DOCK4: variants seen among roughly 807,000 people sequenced by gnomAD.
DOCK4 encodes dedicator of cytokinesis 4, also known as dedicator of cytokinesis protein 4.
A neutral mutation model predicts 268.1 loss-of-function variants in DOCK4; 97 were observed. The ratio of observed to expected loss-of-function variants is 0.36; its 90% CI spans 0.31 to 0.43. DOCK4 has a LOEUF of 0.43. Ranked by LOEUF, DOCK4 falls within the 20% of genes least tolerant of loss-of-function variation. The pLI is 1.00. For synonymous variants in DOCK4, 954 were observed against 887.2 expected, an observed-to-expected ratio of 1.08 and a Z score of -1.34; for missense variants, 2,145 against 2,455.7, an observed-to-expected ratio of 0.87 and a Z score of 2.67.
At chr7:111,861,761 TAA>T (rs1805553097) in intron 23 of DOCK4, among the ~76,000 whole-genome samples, 1 of 56,876 alleles carries the variant, frequency 1.8e-5, no homozygotes, top group African/African-American at 1.0e-4. Context: ...AAAAAAAAAA[TAA>T]TAATAATAAT....
chr7:111,835,190 T>C (rs1001145853), intron 25 of DOCK4, among the ~76,000 whole-genome samples: 1 of 152,196 alleles, frequency 6.6e-6, no homozygotes, highest in Non-Finnish European at 1.5e-5. Flanking sequence ...CCAGTCTTTC[T>C]GCCTCCAAAG....
intron 30 of DOCK4, among the ~76,000 whole-genome samples, chr7:111,796,747 G>C (rs758885821): frequency 2.0e-5 from 3 of 152,186 alleles, no homozygotes; most frequent in Non-Finnish European, 2.9e-5. Context: ...GGCAACACAG[G>C]CTCTCCAAGA....
chr7:111,883,846 C>T (rs1158842578), intron 16 of DOCK4, among the ~76,000 whole-genome samples: 2 of 152,184 alleles, frequency 1.3e-5, no homozygotes, highest in Non-Finnish European at 2.9e-5. Context: ...CAGCTAAACT[C>T]TATCACCCTT....
At chr7:111,855,065 G>C (rs1176722155) in intron 23 of DOCK4, among the ~76,000 whole-genome samples, 1 of 152,184 alleles carries the variant, frequency 6.6e-6, no homozygotes, top group African/African-American at 2.4e-5. Context: ...GAAGAAAGTG[G>C]ATTCCAAACA....
intron 1 of DOCK4, among the ~76,000 whole-genome samples, chr7:112,033,713 G>A (rs1803483613): frequency 6.6e-6 from 1 of 152,148 alleles, no homozygotes; most frequent in African/African-American, 2.4e-5. Context: ...GCCAGCACTA[G>A]TTTTCCAACA....
intron 23 of DOCK4, among the ~76,000 whole-genome samples, chr7:111,861,468 C>T (rs56203279): frequency 0.35 from 52,452 of 151,662 alleles, 9,363 homozygotes; most frequent in African/African-American, 0.43. Context: ...AATATTAGGC[C>T]GGGTGTGGTG....
At chr7:111,935,710 G>A (rs918451810) in intron 11 of DOCK4, 82 bp from the exon 12 acceptor site, 12 of 1,220,626 alleles carry the variant, frequency 9.8e-6, no homozygotes, top group African/African-American at 1.5e-5. Context: ...TGCCCTTTTC[G>A]TTATAACCAC....
At chr7:112,148,984 A>G (rs1428999314) in intron 1 of DOCK4, among the ~76,000 whole-genome samples, 5 of 152,220 alleles carry the variant, frequency 3.3e-5, no homozygotes. Context: ...GTCTCTGGCC[A>G]CTGAGCACGC....
chr7:112,140,268 G>A (rs545916890), intron 1 of DOCK4, among the ~76,000 whole-genome samples: 4 of 152,290 alleles, frequency 2.6e-5, no homozygotes, highest in African/African-American at 4.8e-5. Flanking sequence ...ACTCTGAAAC[G>A]TGGAGATGTC....
chr7:111,907,811 C>G (rs1363250469), intron 13 of DOCK4, among the ~76,000 whole-genome samples: 1 of 152,142 alleles, frequency 6.6e-6, no homozygotes, highest in Non-Finnish European at 1.5e-5. Context: ...TCACTGCAGC[C>G]TCAACCTGCT....
At position 112,043,252 on chromosome 7, in the gene DOCK4, TAATC is replaced by T. The variant is rs898454144; in HGVS notation, c.38-39125_38-39122del. Among the ~76,000 whole-genome samples the T allele has an allele frequency of 9.9e-5, 15 of 152,000 alleles. No individual in the cohort carries two copies. The East Asian group carries it at 1.5e-3, about 16-fold the overall frequency. The stretch of plus-strand genomic sequence containing the variant: ...ATCTCCTTTATAAAAAAAAAAAACT[TAATC>T]AATAATCTCATTATTCTCTCTAGAA... On this transcript the variant is annotated intron_variant, in intron 1 of 52. Coordinates refer to ENST00000428084, the MANE Select transcript of DOCK4 (RefSeq NM_001363540.2).
chr7:112,071,102 G>T (rs1236689878), intron 1 of DOCK4, among the ~76,000 whole-genome samples: 1 of 152,186 alleles, frequency 6.6e-6, no homozygotes, highest in Non-Finnish European at 1.5e-5. Flanking sequence ...GTGCCTTTGG[G>T]TTACCTGATA....
At chr7:111,822,307 C>T in intron 27 of DOCK4, 55 bp downstream of exon 27, 1 of 1,398,534 alleles carries the variant, frequency 7.2e-7, no homozygotes. Flanking sequence ...TAATTTTGTA[C>T]TCCCTTCTTC....
At chr7:111,872,588 T>C in intron 17 of DOCK4, 24 bp from the exon 18 acceptor site, 1 of 1,543,544 alleles carries the variant, frequency 6.5e-7, no homozygotes. Context: ...AAAGGAAGAT[T>C]AATTGCCTTA....
intron 1 of DOCK4, among the ~76,000 whole-genome samples, chr7:112,024,674 C>T (rs751225713): frequency 1.3e-5 from 2 of 152,138 alleles, no homozygotes; most frequent in African/African-American, 2.4e-5. Context: ...GCTTCAGAAA[C>T]CTTGACCTCA....
Position 112,205,348 on chromosome 7 carries a change from G to T in DOCK4, c.37+754C>A, listed in dbSNP as rs925019416. The stretch of plus-strand genomic sequence containing the variant: ...ATTTATCACTCAGCAGCCCTGTACC[G>T]CCACACCGCCCCCACTGCGCTCACC... On this transcript the variant is annotated intron_variant, in intron 1 of 52. Coordinates refer to ENST00000428084, the MANE Select transcript of DOCK4 (RefSeq NM_001363540.2). Among the ~76,000 whole-genome samples the T allele has an allele frequency of 6.6e-5, 10 of 151,926 alleles. No individual in the cohort carries two copies. The East Asian group carries it at 1.9e-3, about 30-fold the overall frequency.
chr7:111,760,319 T>C lies in DOCK4; in HGVS notation c.4024A>G (p.Lys1342Glu). 2 of 1,612,142 alleles carry C rather than the reference T, an allele frequency of 1.2e-6. No individual in the cohort carries two copies. The highest frequency in any genetic ancestry group is 1.7e-6 in the Non-Finnish European group (2 of 1,178,596). The change falls in exon 40 of 53, where the codon AAG (lysine) becomes GAG (glutamate). Residue 1342 changes from lysine to glutamate, a missense_variant. Around this residue, in one of 2 missense-constraint regions of DOCK4, gnomAD observed 1,598 missense variants for 1,986.7 expected, o/e 0.80. Coordinates refer to ENST00000428084, the MANE Select transcript of DOCK4 (RefSeq NM_001363540.2). ...TCATGCCCTCGACACACAAACTCCT[T>C]ATTCTGGAGATGAAAGCAAAAAAGA... ...GKKFPFFLRN[K>E]EFVCRGHDYE...
At chr7:112,035,716 T>G (rs1803692896) in intron 1 of DOCK4, among the ~76,000 whole-genome samples, 1 of 152,112 alleles carries the variant, frequency 6.6e-6, no homozygotes, top group Non-Finnish European at 1.5e-5. Flanking sequence ...TAAAGATGAT[T>G]GTTGTTCTGC....
At chr7:111,989,880 C>CA (rs1362894492) in intron 5 of DOCK4, among the ~76,000 whole-genome samples, 1 of 152,170 alleles carries the variant, frequency 6.6e-6, no homozygotes, top group African/African-American at 2.4e-5. Flanking sequence ...GTCATCTGTA[C>CA]ATGGGCAGCA....
Sources: gnomAD v4.1 joint callset for allele counts (sites outside exome capture counted in the v4.1 genomes callset) on GRCh38, gnomAD v4.1.1 for gene constraint, gnomAD v4.1.1 regional missense constraint, MANE v1.5 for transcripts, NCBI Gene and HGNC (gene_info 2026-07-23, HGNC 2026-07-21) for gene names.